Variants in OTUD7B observed in about 807,000 individuals in gnomAD.
OTUD7B encodes OTU deubiquitinase 7B.
A neutral mutation model predicts 82.2 loss-of-function variants in OTUD7B; 34 were observed. The observed-to-expected ratio is 0.41, with a 90% confidence interval of 0.31 to 0.55. The LOEUF (loss-of-function observed/expected upper bound fraction) is 0.55, where lower values mean the gene tolerates loss of function less well. Ranked by LOEUF, OTUD7B falls within the 20% of genes least tolerant of loss-of-function variation. The pLI, the probability that OTUD7B is intolerant of heterozygous loss-of-function variation, is 0.20. For missense variants in OTUD7B, 944 were observed against 1,062.1 expected, an observed-to-expected ratio of 0.89 and a Z score of 1.55; for synonymous variants, 398 against 402.7, an observed-to-expected ratio of 0.99 and a Z score of 0.14.
chr1:149,948,655 C>G (rs587689645), intron 10 of OTUD7B, among the ~76,000 whole-genome samples: 1 of 152,292 alleles, frequency 6.6e-6, no homozygotes, highest in African/African-American at 2.4e-5. Context: ...CAGGCATAAG[C>G]CACCATGCCC....
chr1:149,964,050 T>G, intron 6 of OTUD7B, 172 bp downstream of exon 6: 1 of 671,546 alleles, frequency 1.5e-6, no homozygotes, highest in Non-Finnish European at 2.5e-6. Context: ...CATGACCACA[T>G]CAGAAGGCAT....
intron 6 of OTUD7B, chr1:149,960,915 G>A (rs1010660400): frequency 1.5e-5 from 2 of 133,462 alleles, no homozygotes; most frequent in East Asian, 4.5e-4. Flanking sequence ...CCCACACCTG[G>A]ATACCTTCTT....
the OTUD7B span, among the ~76,000 whole-genome samples, chr1:150,041,467 G>T: frequency 1.3e-4 from 20 of 152,070 alleles, no homozygotes; most frequent in African/African-American, 4.8e-4. Context: ...AGAGTAGCTG[G>T]GATTACAGGC....
intron 1 of OTUD7B, among the ~76,000 whole-genome samples, chr1:149,985,062 A>C (rs186723883): frequency 1.1e-4 from 17 of 152,240 alleles, no homozygotes; most frequent in Non-Finnish European, 1.8e-4. Context: ...ATTACATCCC[A>C]CTGTTCTAAA....
At chr1:149,984,522 A>G (rs587662869) in intron 1 of OTUD7B, among the ~76,000 whole-genome samples, 10 of 152,198 alleles carry the variant, frequency 6.6e-5, no homozygotes, top group African/African-American at 2.4e-4. Context: ...CTGTGACTGA[A>G]CCAAACTTAG....
intron 7 of OTUD7B, 112 bp from the exon 8 acceptor site, chr1:149,950,333 C>T (rs1268980534): frequency 9.1e-7 from 1 of 1,095,150 alleles, no homozygotes; most frequent in Non-Finnish European, 1.3e-6. Flanking sequence ...ATGTCCTTTC[C>T]TGGTTTTCCA....
At chr1:149,960,383 T>C (rs1419887260) in intron 6 of OTUD7B, among the ~76,000 whole-genome samples, 3 of 51,976 alleles carry the variant, frequency 5.8e-5, no homozygotes, top group South Asian at 8.4e-4. Context: ...CTTTTTCTTT[T>C]CTTTCCTTTT....
chr1:149,992,479 T>TGTTG lies in OTUD7B; in HGVS notation c.-66-14904_-66-14903insCAAC, dbSNP rs1232409844. On this transcript the variant is annotated intron_variant, in intron 1 of 11. Coordinates refer to ENST00000581312, the MANE Select transcript of OTUD7B (RefSeq NM_020205.4). ...TTTGTGTGCATGTGTTTTTTTTTTT[T>TGTTG]TTTTTTTTTTTTTTAGTACAGAGTC... 1.8e-3 allele frequency among the ~76,000 whole-genome samples: 12 copies of TGTTG among 6,830 alleles called. 1 individual carries two copies. Among genetic ancestry groups the TGTTG allele is most frequent in the Middle Eastern group, 0.071 (1 of 14 alleles). The allele number at this position is 6,830 out of a possible 152,430, so 4.5% of individuals were successfully genotyped here.
chr1:149,944,384 G>C lies in OTUD7B; in HGVS notation c.2005C>G (p.Pro669Ala), dbSNP rs201320900. The C allele has an allele frequency of 6.2e-7, 1 of 1,614,040 alleles. No individual in the cohort carries two copies. The highest frequency in any genetic ancestry group is 1.3e-5 in the African/African-American group (1 of 75,016). Reference sequence around the variant, plus strand: ...GTCGGCTGCTCTTCCCTAGCATCTGGCTCTGGCTTTTTGGCTGGAGGAGGG... The same window carrying C: ...GTCGGCTGCTCTTCCCTAGCATCTGCCTCTGGCTTTTTGGCTGGAGGAGGG... Reference protein sequence around the residue: ...GGPPPAKKPEPDAREEQPTGP... With the variant: ...GGPPPAKKPEADAREEQPTGP... The change falls in exon 12 of 12, where the codon CCA (proline) becomes GCA (alanine). Residue 669 changes from proline to alanine, a missense_variant. Physicochemically the swap from Pro to Ala is conservative, Grantham distance 27 (BLOSUM62 -1). Transcript: ENST00000581312.
At chr1:149,987,649 G>A (rs995600383) in intron 1 of OTUD7B, among the ~76,000 whole-genome samples, 4 of 151,998 alleles carry the variant, frequency 2.6e-5, no homozygotes, top group Admixed American at 6.6e-5. Context: ...CCCCCTCCCT[G>A]TATCTTTCCT....
chr1:149,951,217 C>T (rs893392654), intron 7 of OTUD7B, among the ~76,000 whole-genome samples: 2 of 151,890 alleles, frequency 1.3e-5, no homozygotes, highest in South Asian at 2.1e-4. Flanking sequence ...GTGATCCGCC[C>T]GCCTCGGCCT....
Position 149,940,856 on chromosome 1 carries a change from T to C in OTUD7B, c.*3001A>G, listed in dbSNP as rs186561393. On this transcript the variant is annotated 3_prime_UTR_variant, in exon 12 of 12. Coordinates refer to ENST00000581312, the MANE Select transcript of OTUD7B (RefSeq NM_020205.4). The stretch of plus-strand genomic sequence containing the variant: ...ATCTATATTAATTTCCCAGGCATTA[T>C]TCCTTCACCTCCCCCCATCCCACCA... 9 of 152,036 alleles carry C rather than the reference T, an allele frequency of 5.9e-5. No homozygotes were observed. The highest frequency in any genetic ancestry group is 3.9e-4 in the Admixed American group (6 of 15,278). The allele number at this position is 152,036 out of a possible 1,614,324, so 9.4% of individuals were successfully genotyped here. A position where few individuals can be genotyped will look rare whatever the true frequency, so the allele number is the denominator to read the frequency against.
chr1:149,947,398 T>C, intron 10 of OTUD7B, 63 bp from the exon 11 acceptor site: 8 of 1,009,774 alleles, frequency 7.9e-6, no homozygotes, highest in Non-Finnish European at 1.2e-5. Flanking sequence ...TTGATATAGT[T>C]GGGAGAAAGG....
the OTUD7B span, among the ~76,000 whole-genome samples, chr1:150,065,213 A>G: frequency 6.6e-6 from 1 of 152,078 alleles, no homozygotes; most frequent in African/African-American, 2.4e-5. Context: ...CTGGGACTGG[A>G]GGCGCTGGCC....
chr1:149,962,780 G>T (rs1649246683), intron 6 of OTUD7B: 1 of 152,110 alleles, frequency 6.6e-6, no homozygotes, highest in African/African-American at 2.4e-5. Context: ...AGTGGTTAAG[G>T]TTCCGGTATT....
At chr1:149,989,494 A>G (rs1429496209) in intron 1 of OTUD7B, among the ~76,000 whole-genome samples, 2 of 150,354 alleles carry the variant, frequency 1.3e-5, no homozygotes, top group African/African-American at 2.5e-5. Context: ...AAGCCTCAGA[A>G]CAATTAGAAA....
Position 149,942,265 on chromosome 1 carries a change from C to A in OTUD7B, c.*1592G>T, listed in dbSNP as rs587728990. On this transcript the variant is annotated 3_prime_UTR_variant, in exon 12 of 12. Transcript: ENST00000581312. ...ACACATAAGTACACTTATTCCCCTT[C>A]TTCACATGCACCCGGGAGTGTATAC... 1 of 152,628 alleles carries A rather than the reference C, an allele frequency of 6.6e-6. No homozygotes were observed. The highest frequency in any genetic ancestry group is 1.5e-5 in the Non-Finnish European group (1 of 68,052). The allele number at this position is 152,628 out of a possible 1,614,324, so 9.5% of individuals were successfully genotyped here. A position where few individuals can be genotyped will look rare whatever the true frequency, so the allele number is the denominator to read the frequency against.
At chr1:150,053,641 C>A in the OTUD7B span, among the ~76,000 whole-genome samples, 2 of 152,188 alleles carry the variant, frequency 1.3e-5, no homozygotes, top group East Asian at 1.9e-4. Flanking sequence ...AGTGATTCAC[C>A]CACCTCAGCC....
chr1:149,960,094 A>G (rs1323940924), intron 6 of OTUD7B, among the ~76,000 whole-genome samples: 1 of 152,146 alleles, frequency 6.6e-6, no homozygotes, highest in Non-Finnish European at 1.5e-5. Flanking sequence ...TGATTTTGGC[A>G]AAGAACAATG....
Sources: allele counts gnomAD v4.1 joint callset (sites outside exome capture counted in the v4.1 genomes callset), GRCh38; gene constraint gnomAD v4.1.1; transcripts MANE v1.5; gene names NCBI Gene and HGNC (gene_info 2026-07-23, HGNC 2026-07-21).